Variants in TP53TG3D observed in about 807,000 individuals in gnomAD.
The protein encoded by TP53TG3D is TP53-target gene 3 protein.
For synonymous variants in TP53TG3D, 2 were observed against 56.9 expected (o/e 0.04, Z 4.34); for missense variants, 4 against 139.9 (o/e 0.03, Z 4.90).
rs572005248 is a variant in TP53TG3D at position 32,255,302 on chromosome 16, A to T, written c.*399A>T. The stretch of plus-strand genomic sequence containing the variant: ...TGGGGGATTCGTGGATCTTTAGATT[A>T]AAAAAAAAAATAGGTTTTTGAACAA... On this transcript the variant is annotated 3_prime_UTR_variant, in exon 2 of 2. Transcript: ENST00000398664. The T allele has an allele frequency of 4.3e-3, 944 of 217,100 alleles. 24 individuals carry two copies. Among genetic ancestry groups the T allele is most frequent in the Middle Eastern group, 8.9e-3 (5 of 564 alleles). The allele number at this position is 217,100 out of a possible 1,614,324, so 13.4% of individuals were successfully genotyped here.
rs541506862 is a variant in TP53TG3D, at chr16:32,254,758, G to A, written c.363-133G>A. 394 of 1,557,206 alleles carry A rather than the reference G, an allele frequency of 2.5e-4. 16 individuals are homozygous for A. In the South Asian group the frequency reaches 4.6e-3, roughly 18 times the overall value. On this transcript the variant is annotated intron_variant, in intron 1 of 1. Transcript: ENST00000398664. Reference sequence around the variant, plus strand: ...TTTGTGTGGTGAGGTCAGGGATAGTGTCTGCGCTTCTACCCTGAATAGGGC... The same window carrying A: ...TTTGTGTGGTGAGGTCAGGGATAGTATCTGCGCTTCTACCCTGAATAGGGC...
At position 32,255,003 on chromosome 16, in the gene TP53TG3D, A is replaced by T; in HGVS notation, c.*100A>T. ...GAATCTCCGTGGGACATCTCTCTGG[A>T]GCATCAATATTACTGCAGTATTTGG... On this transcript the variant is annotated 3_prime_UTR_variant, in exon 2 of 2. Transcript: ENST00000398664. 4.0e-6 allele frequency: 5 copies of T among 1,259,562 alleles called. No homozygotes were observed. In the South Asian group the frequency reaches 6.3e-5, roughly 16 times the overall value. The allele number at this position is 1,259,562 out of a possible 1,614,324, so 78.0% of individuals were successfully genotyped here.
At chr16:32,255,147 A>C in exon 2 of TP53TG3D, 1 of 804,860 alleles carries the variant, frequency 1.2e-6, no homozygotes, top group Non-Finnish European at 2.0e-6. Context: ...TCCAAGACAA[A>C]AACTCTAAGA....
At chr16:32,254,779 A>G (rs1271125810) in intron 1 of TP53TG3D, 112 bp from the exon 2 acceptor site, 33 of 1,598,584 alleles carry the variant, frequency 2.1e-5, no homozygotes, top group Non-Finnish European at 2.6e-5. Context: ...TACCCTGAAT[A>G]GGGCTCCCTT....
chr16:32,254,952 C>T (rs1962189358), exon 2 of TP53TG3D: 2 of 1,465,658 alleles, frequency 1.4e-6, no homozygotes, highest in Middle Eastern at 4.8e-4. Context: ...TGCCTCAGCT[C>T]CGTGCAGGGC....
chr16:32,254,715 C>G, intron 1 of TP53TG3D, 176 bp from the exon 2 acceptor site: 1 of 1,469,044 alleles, frequency 6.8e-7, no homozygotes, highest in Admixed American at 2.7e-5. Context: ...CTTGGTCCCT[C>G]CCAACACATG....
Position 32,254,825 on chromosome 16 carries a change from C to A in TP53TG3D, c.363-66C>A, listed in dbSNP as rs960055643. ...ATCTCTTTTTAAATACCCCCTTGGA[C>A]CACTTTTAATAGTTTTCTGATAGAA... On this transcript the variant is annotated intron_variant, in intron 1 of 1. Coordinates refer to ENST00000398664, the Ensembl canonical transcript of TP53TG3D. 80 of 1,606,680 alleles carry A rather than the reference C, an allele frequency of 5.0e-5. 2 individuals are homozygous for A. In the Admixed American group the frequency reaches 5.1e-4, roughly 10 times the overall value.
Position 32,253,470 on chromosome 16 carries a change from CG to C in TP53TG3D, c.119del (p.Gly40ValfsTer34). 8.7e-7 allele frequency: 1 copy of C among 1,152,136 alleles called. No individual in the cohort carries two copies. Among genetic ancestry groups the C allele is most frequent in the African/African-American group, 2.5e-5 (1 of 39,458 alleles). 71.4% of individuals were successfully genotyped at this position (1,152,136 alleles called of 1,614,324 possible). On this transcript the variant is annotated frameshift_variant, in exon 1 of 2. Transcript: ENST00000398664. LOFTEE classifies it high-confidence loss of function. Reference sequence around the variant, plus strand: ...CCAGAACTCCCGGAACGGTTGAAGACGGTTCCGCTCCCTGTCCCGCCTTTCG... The same window carrying C: ...CCAGAACTCCCGGAACGGTTGAAGACGTTCCGCTCCCTGTCCCGCCTTTCG...
At chr16:32,254,803 T>G in intron 1 of TP53TG3D, 88 bp from the exon 2 acceptor site, 1 of 1,607,696 alleles carries the variant, frequency 6.2e-7, no homozygotes, top group Non-Finnish European at 8.5e-7. Context: ...AAATAATATC[T>G]CTTTTTAAAT....
chr16:32,255,388 G>GTCTCTCTC (rs754757873), exon 2 of TP53TG3D: 1 of 228,364 alleles, frequency 4.4e-6, no homozygotes, highest in South Asian at 4.9e-5. Context: ...TAATTCTTCT[G>GTCTCTCTC]TCTCTCTCCT....
chr16:32,255,069 C>T (rs959844292), exon 2 of TP53TG3D: 1 of 1,445,182 alleles, frequency 6.9e-7, no homozygotes, highest in African/African-American at 1.4e-5. Context: ...AAGAATGGAA[C>T]ATTTAAGACA....
rs1292747835 is a variant in TP53TG3D, at chr16:32,254,800, A to C, written c.363-91A>C. ...GAATAGGGCTCCCTTGGAAAATAATATCTCTTTTTAAATACCCCCTTGGAC... is the reference window on the plus strand; with the variant it reads ...GAATAGGGCTCCCTTGGAAAATAATCTCTCTTTTTAAATACCCCCTTGGAC... On this transcript the variant is annotated intron_variant, in intron 1 of 1. Transcript: ENST00000398664. 2.7e-5 allele frequency: 44 copies of C among 1,607,562 alleles called. 4 individuals are homozygous for C. In the Middle Eastern group the frequency reaches 9.0e-4, roughly 33 times the overall value.
intron 1 of TP53TG3D, chr16:32,254,263 G>T: frequency 5.0e-6 from 5 of 1,007,970 alleles, no homozygotes; most frequent in Non-Finnish European, 6.9e-6. Flanking sequence ...CAGGTCTCAG[G>T]CTCCTTGGGA....
rs192546030 is a variant in TP53TG3D at position 32,255,272 on chromosome 16, T to C, written c.*369T>C. On this transcript the variant is annotated 3_prime_UTR_variant, in exon 2 of 2. Transcript: ENST00000398664. ...GGCCTTGGTATGGTTTTATTTGTAC[T>C]TTTGTGGGGGATTCGTGGATCTTTA... 5.3e-4 allele frequency: 166 copies of C among 315,474 alleles called. 9 individuals carry two copies. In the East Asian group the frequency reaches 0.011, roughly 22 times the overall value. 19.5% of individuals were successfully genotyped at this position (315,474 alleles called of 1,614,324 possible).
exon 2 of TP53TG3D, chr16:32,254,910 C>T (rs923416893): frequency 1.3e-6 from 2 of 1,596,484 alleles, no homozygotes; most frequent in Non-Finnish European, 8.5e-7. Context: ...TTAAGTACTG[C>T]ACGACTACTC....
At chr16:32,255,110 G>A in exon 2 of TP53TG3D, 2 of 1,034,926 alleles carry the variant, frequency 1.9e-6, no homozygotes, top group Non-Finnish European at 2.9e-6. Context: ...TTTAATAACT[G>A]TCGTTTGTCC....
At chr16:32,254,717 C>T in intron 1 of TP53TG3D, 174 bp from the exon 2 acceptor site, 1 of 1,468,932 alleles carries the variant, frequency 6.8e-7, no homozygotes, top group East Asian at 2.5e-5. Flanking sequence ...TGGTCCCTCC[C>T]AACACATGAG....
At chr16:32,254,751 G>A (rs1165266442) in intron 1 of TP53TG3D, 140 bp from the exon 2 acceptor site, 15 of 1,547,268 alleles carry the variant, frequency 9.7e-6, no homozygotes, top group Non-Finnish European at 1.0e-5. Context: ...GTGAGGTCAG[G>A]GATAGTGTCT....
intron 1 of TP53TG3D, chr16:32,254,452 G>C (rs1475845336): frequency 6.5e-7 from 1 of 1,528,498 alleles, no homozygotes; most frequent in Non-Finnish European, 8.7e-7. Flanking sequence ...CTCGCTGCGT[G>C]GTCCATATCT....
Sources: allele counts gnomAD v4.1 joint callset, GRCh38; gene constraint gnomAD v4.1.1; transcripts MANE v1.5; gene names NCBI Gene and HGNC (gene_info 2026-07-23, HGNC 2026-07-21).